The following UBA6 variants were observed in gnomAD, a reference collection of about 807,000 sequenced individuals.
UBA6 encodes the protein ubiquitin like modifier activating enzyme 6, also known as ubiquitin-like modifier-activating enzyme 6.
A neutral mutation model predicts 148.3 loss-of-function variants in UBA6; 87 were observed. The observed-to-expected ratio is 0.59, with a 90% CI of 0.49 to 0.70. The LOEUF is 0.70. Among genes scored for constraint, UBA6 ranks in the 30% least tolerant of loss-of-function variants. The probability of loss-of-function intolerance (pLI) is 0.00; values close to 1 mark genes in which losing one functional copy is unlikely to be tolerated. For missense variants in UBA6, 1,186 were observed against 1,241.2 expected, an observed-to-expected ratio of 0.96 and a Z score of 0.67; for synonymous variants, 376 against 401.0, an observed-to-expected ratio of 0.94 and a Z score of 0.75.
chr4:67,693,665 T>C (rs1419293381), intron 2 of UBA6, among the ~76,000 whole-genome samples: 1 of 152,188 alleles, frequency 6.6e-6, no homozygotes, highest in Non-Finnish European at 1.5e-5. Context: ...CTCGGTAAGC[T>C]ATAGTATTTG....
intron 4 of UBA6, among the ~76,000 whole-genome samples, chr4:67,679,290 GTAACCTAA>G (rs1453413230): frequency 6.7e-6 from 1 of 150,280 alleles, no homozygotes; most frequent in African/African-American, 2.4e-5. Context: ...TAAAAAGACA[GTAACCTAA>G]TAAGTGAAGG....
chr4:67,661,716 G>A (rs1320028254), intron 13 of UBA6: 1 of 160,542 alleles, frequency 6.2e-6, no homozygotes, highest in African/African-American at 2.4e-5. Flanking sequence ...TTGACAAGCA[G>A]GCACTGGCAT....
chr4:67,677,223 A>G (rs925755364), intron 6 of UBA6, among the ~76,000 whole-genome samples: 4 of 152,182 alleles, frequency 2.6e-5, no homozygotes, highest in Non-Finnish European at 2.9e-5. Flanking sequence ...TGACCTAGGT[A>G]GCCTCCTGGT....
At chr4:67,636,440 G>C (rs1044780943) in intron 19 of UBA6, among the ~76,000 whole-genome samples, 4 of 152,154 alleles carry the variant, frequency 2.6e-5, no homozygotes, top group Admixed American at 6.5e-5. Flanking sequence ...CTCTGATGCC[G>C]AGCCGAAGCT....
chr4:67,690,351 C>G (rs1271114611), intron 2 of UBA6, among the ~76,000 whole-genome samples: 1 of 151,842 alleles, frequency 6.6e-6, no homozygotes, highest in Non-Finnish European at 1.5e-5. Flanking sequence ...TATAAAACTC[C>G]CAGAAGAAAA....
chr4:67,671,476 C>G (rs1300513965), intron 7 of UBA6, among the ~76,000 whole-genome samples: 2 of 149,900 alleles, frequency 1.3e-5, no homozygotes, highest in African/African-American at 4.9e-5. Context: ...TGGGCAGAAA[C>G]TTAGAAGCTT....
At chr4:67,655,675 G>A (rs1255479827) in intron 13 of UBA6, among the ~76,000 whole-genome samples, 1 of 152,070 alleles carries the variant, frequency 6.6e-6, no homozygotes, top group Non-Finnish European at 1.5e-5. Flanking sequence ...CAGAAGGCAA[G>A]AAACAACTAA....
At chr4:67,640,602 T>C (rs1577801652) in intron 18 of UBA6, among the ~76,000 whole-genome samples, 5 of 152,190 alleles carry the variant, frequency 3.3e-5, no homozygotes, top group East Asian at 3.8e-4. Context: ...GCATGAGCTA[T>C]TGTGTCTGGC....
At chr4:67,689,348 T>C (rs1291830936) in intron 2 of UBA6, among the ~76,000 whole-genome samples, 6 of 152,120 alleles carry the variant, frequency 3.9e-5, no homozygotes, top group Admixed American at 3.3e-4. Context: ...TATACAAGTA[T>C]CTAGGAGGAA....
chr4:67,697,300 C>T (rs934122987), intron 1 of UBA6, among the ~76,000 whole-genome samples: 2 of 152,178 alleles, frequency 1.3e-5, no homozygotes, highest in African/African-American at 4.8e-5. Context: ...CCACTGTGCC[C>T]GCCTGTTTGG....
intron 19 of UBA6, among the ~76,000 whole-genome samples, chr4:67,637,222 G>A (rs1729178183): frequency 6.6e-6 from 1 of 151,332 alleles, no homozygotes; most frequent in Non-Finnish European, 1.5e-5. Context: ...CGGGAGGGAG[G>A]TGGGGGGCAG....
intron 7 of UBA6, among the ~76,000 whole-genome samples, chr4:67,671,454 A>C: frequency 6.6e-6 from 1 of 151,270 alleles, no homozygotes; most frequent in Admixed American, 6.6e-5. Context: ...TTTTTTTTAC[A>C]AGACATAAAA....
In UBA6 at chr4:67,616,404, A is replaced by G. The variant is rs976974394; in HGVS notation, c.*2593T>C. 7 of 320,144 alleles carry G rather than the reference A, an allele frequency of 2.2e-5. No homozygotes were observed. Among genetic ancestry groups the G allele is most frequent in the Admixed American group, 1.5e-4 (3 of 20,342 alleles). 19.8% of individuals were successfully genotyped at this position (320,144 alleles called of 1,614,324 possible). A position where few individuals can be genotyped will look rare whatever the true frequency, so the allele number is the denominator to read the frequency against. ...TAGTTGCTTTTTTAATGTTCCATGA[A>G]TATCACCAGAGTGTGACATAGTAGA... On this transcript the variant is annotated 3_prime_UTR_variant, in exon 33 of 33. Coordinates refer to ENST00000322244, the MANE Select transcript of UBA6 (RefSeq NM_018227.6).
intron 7 of UBA6, among the ~76,000 whole-genome samples, chr4:67,672,577 T>A (rs560263210): frequency 6.6e-6 from 1 of 152,292 alleles, no homozygotes; most frequent in East Asian, 1.9e-4. Context: ...AACTCAAATG[T>A]CTTCGAAGAT....
At position 67,616,848 on chromosome 4, in the gene UBA6, T is replaced by C. The variant is rs1003569915; in HGVS notation, c.*2149A>G. On this transcript the variant is annotated 3_prime_UTR_variant, in exon 33 of 33. Coordinates refer to ENST00000322244, the MANE Select transcript of UBA6 (RefSeq NM_018227.6). ...ATTTTTAATAAGTAAAAAATACTCA[T>C]TGAAACTGTACAAAAATCAAATCAT... 6.6e-6 allele frequency: 1 copy of C among 152,136 alleles called. No homozygotes were observed. The highest frequency in any genetic ancestry group is 1.5e-5 in the Non-Finnish European group (1 of 67,988). The allele number at this position is 152,136 out of a possible 1,614,324, so 9.4% of individuals were successfully genotyped here.
chr4:67,652,850 CAA>C (rs1176211940), intron 13 of UBA6, among the ~76,000 whole-genome samples: 1 of 152,246 alleles, frequency 6.6e-6, no homozygotes, highest in Non-Finnish European at 1.5e-5. Flanking sequence ...ACCATCTTAG[CAA>C]CCGGCAGACC....
rs141217380 is a variant in UBA6 at position 67,673,730 on chromosome 4, A to G, written c.513T>C (p.Asn171=). Residue 171 remains asparagine, a synonymous_variant, in exon 7 of 33, where the codon AAT becomes AAC. Coordinates refer to ENST00000322244, the MANE Select transcript of UBA6 (RefSeq NM_018227.6). ...GAGGGCACTGAGAACGGCAAAAGTC[A>G]TTGATCTTCTTCTGCAATGGAAGTT... ...EMKLPLQKKI[N]DFCRSQCPPI... is the part of the protein sequence containing the mutation. 1.6e-4 allele frequency: 256 copies of G among 1,612,090 alleles called. No individual in the cohort carries two copies. The highest frequency in any genetic ancestry group is 2.0e-4 in the Non-Finnish European group (233 of 1,178,690).
intron 2 of UBA6, among the ~76,000 whole-genome samples, chr4:67,689,912 C>T (rs914741902): frequency 1.3e-5 from 2 of 152,066 alleles, no homozygotes; most frequent in Non-Finnish European, 2.9e-5. Flanking sequence ...TAGAAAAGCT[C>T]ATGGTCTGAC....
rs534333111 is a variant in UBA6 at position 67,694,174 on chromosome 4, C to T, written c.134+2471G>A. On this transcript the variant is annotated intron_variant, in intron 2 of 32. Coordinates refer to ENST00000322244, the MANE Select transcript of UBA6 (RefSeq NM_018227.6). ...GAGGTTGCCATGAGCCGAGATCGCGCCACTGCACTCCAGCCTGGATGACAG... is the reference window on the plus strand; with the variant it reads ...GAGGTTGCCATGAGCCGAGATCGCGTCACTGCACTCCAGCCTGGATGACAG... Among the ~76,000 whole-genome samples, 11 of 130,778 alleles carry T rather than the reference C, an allele frequency of 8.4e-5. No individual in the cohort carries two copies. In the South Asian group the frequency reaches 2.7e-3, roughly 32 times the overall value. 85.8% of individuals were successfully genotyped at this position (130,778 alleles called of 152,430 possible). A position where few individuals can be genotyped will look rare whatever the true frequency, so the allele number is the denominator to read the frequency against.
Sources: gnomAD v4.1 joint callset for allele counts (sites outside exome capture counted in the v4.1 genomes callset) on GRCh38, gnomAD v4.1.1 for gene constraint, MANE v1.5 for transcripts, NCBI Gene and HGNC (gene_info 2026-07-23, HGNC 2026-07-21) for gene names.